The following SBNO2 variants were observed in gnomAD, a reference collection of about 807,000 sequenced individuals.
The protein encoded by SBNO2 is protein strawberry notch homolog 2.
A neutral mutation model predicts 146.3 loss-of-function variants in SBNO2; 89 were observed. The ratio of observed to expected loss-of-function variants is 0.61; its 90% CI spans 0.51 to 0.73. The LOEUF (loss-of-function observed/expected upper bound fraction) is 0.73, where lower values mean the gene tolerates loss of function less well. Ranked by LOEUF, SBNO2 falls within the 30% of genes least tolerant of loss-of-function variation. The probability of loss-of-function intolerance (pLI) is 0.00; values close to 1 mark genes in which losing one functional copy is unlikely to be tolerated. For synonymous variants in SBNO2, 1,147 were observed against 892.6 expected (o/e 1.29, Z -5.08); for missense variants, 2,092 against 2,003.7 (o/e 1.04, Z -0.84).
chr19:1,128,643 T>C (rs1157007844), intron 4 of SBNO2, among the ~76,000 whole-genome samples: 1 of 150,868 alleles, frequency 6.6e-6, no homozygotes, highest in Non-Finnish European at 1.5e-5. Context: ...TCCATCCACC[T>C]TGGCCTCCCA....
intron 3 of SBNO2, 147 bp downstream of exon 3, chr19:1,149,222 G>C (rs2080220316): frequency 2.9e-6 from 2 of 685,370 alleles, no homozygotes; most frequent in South Asian, 1.8e-5. Context: ...CCGTGGGGTG[G>C]AGCCTTCCAG....
At chr19:1,154,108 G>A in intron 2 of SBNO2, 76 bp downstream of exon 2, 2 of 698,284 alleles carry the variant, frequency 2.9e-6, no homozygotes, top group Non-Finnish European at 4.0e-6. Context: ...TCCGCACGAC[G>A]TGACCCCGGG....
chr19:1,171,252 AAC>A (rs1188810863), intron 1 of SBNO2, among the ~76,000 whole-genome samples: 1 of 152,174 alleles, frequency 6.6e-6, no homozygotes, highest in East Asian at 1.9e-4. Flanking sequence ...ACATCCGTAC[AAC>A]ACACACACAG....
chr19:1,108,671 A>G lies in SBNO2; in HGVS notation c.3650T>C (p.Val1217Ala). ...ATCCATCAGCCGCAGCTCCTGCAGC[A>G]CCCGGCGCACGCAGCCCTCGGGGAT... ...IKIPEGCVRR[V>A]LQELRLMDAD... The change falls in exon 32 of 32, where the codon GTG (valine) becomes GCG (alanine). Residue 1217 changes from valine (V) to alanine (A), a missense_variant. By Grantham distance (64) the Val-to-Ala change is moderately conservative. Transcript: ENST00000361757. 1 of 1,529,390 alleles carries G rather than the reference A, an allele frequency of 6.5e-7. No homozygotes were observed. Among genetic ancestry groups the G allele is most frequent in the Non-Finnish European group, 8.7e-7 (1 of 1,146,230 alleles). 94.7% of individuals were successfully genotyped at this position (1,529,390 alleles called of 1,614,324 possible). A position where few individuals can be genotyped will look rare whatever the true frequency, so the allele number is the denominator to read the frequency against.
At position 1,119,964 on chromosome 19, in the gene SBNO2, A is replaced by G. The variant is rs2074921; in HGVS notation, c.1209T>C (p.Ala403=). Residue 403 remains alanine (A), a synonymous_variant, in exon 12 of 32, where the codon GCT becomes GCC. Coordinates refer to ENST00000361757, the MANE Select transcript of SBNO2 (RefSeq NM_014963.3). ...GCAGCTTGTTCTGCAGGTCTAGCACAGCCTTGCCCATCTTGGTGGAGCCGG... is the reference window on the plus strand; with the variant it reads ...GCAGCTTGTTCTGCAGGTCTAGCACGGCCTTGCCCATCTTGGTGGAGCCGG... ...KNAGSTKMGK[A]VLDLQNKLPL... is the part of the protein sequence containing the mutation. The G allele has an allele frequency of 0.47, 724,291 of 1,550,366 alleles. 171,662 individuals carry two copies. The highest frequency in any genetic ancestry group is 0.56 in the Admixed American group (28,690 of 51,002).
intron 1 of SBNO2, among the ~76,000 whole-genome samples, chr19:1,165,807 C>T (rs1453489103): frequency 1.4e-5 from 2 of 147,892 alleles, no homozygotes; most frequent in African/African-American, 2.5e-5. Flanking sequence ...CCCCAGATCC[C>T]AGACCCCAGA....
At position 1,127,636 on chromosome 19, in the gene SBNO2, C is replaced by T; in HGVS notation, c.409G>A (p.Asp137Asn). ...TGGGTGGAGGGGGCAGGGTTATCGT[C>T]CCAGATGGTGGACACCTGGTTGAGG... ...DSLNQVSTIW[D>N]DNPAPSTHDK... is the part of the protein sequence containing the mutation. The change falls in exon 5 of 32, where the codon GAC (aspartate) becomes AAC (asparagine). Residue 137 changes from aspartate to asparagine, a missense_variant. Transcript: ENST00000361757. 1 of 1,613,328 alleles carries T rather than the reference C, an allele frequency of 6.2e-7. No individual in the cohort carries two copies.
rs1401044923 is a variant in SBNO2 at position 1,108,261 on chromosome 19, G to C, written c.4060C>G (p.Gln1354Glu). ...GCGCCGGGGAAGGGTGGGCTGAACTGGATCACGCTCTGCCGCTCGGGACCA... is the reference window on the plus strand; with the variant it reads ...GCGCCGGGGAAGGGTGGGCTGAACTCGATCACGCTCTGCCGCTCGGGACCA... ...GGGPERQSVIQFSPPFPGAQA... is the reference protein window; with the variant it reads ...GGGPERQSVIEFSPPFPGAQA... Residue 1354 changes from glutamine to glutamate, a missense_variant, in exon 32 of 32, where the codon CAG (glutamine) becomes GAG (glutamate). Physicochemically the swap from Gln to Glu is conservative, Grantham distance 29 (BLOSUM62 2). Transcript: ENST00000361757. 1.3e-6 allele frequency: 2 copies of C among 1,523,838 alleles called. No individual in the cohort carries two copies. The highest frequency in any genetic ancestry group is 8.8e-7 in the Non-Finnish European group (1 of 1,133,998). 94.4% of individuals were successfully genotyped at this position (1,523,838 alleles called of 1,614,324 possible).
At chr19:1,117,632 G>T in intron 14 of SBNO2, 133 bp from the exon 15 acceptor site, 1 of 912,496 alleles carries the variant, frequency 1.1e-6, no homozygotes, top group Non-Finnish European at 1.6e-6. Flanking sequence ...TGGGGGTGCT[G>T]GGGGTGTGCA....
At chr19:1,165,407 G>A (rs2080403629) in intron 1 of SBNO2, among the ~76,000 whole-genome samples, 1 of 152,282 alleles carries the variant, frequency 6.6e-6, no homozygotes, top group East Asian at 1.9e-4. Flanking sequence ...GCACCCCCAA[G>A]GCAGCACTGC....
chr19:1,140,318 G>C lies in SBNO2; in HGVS notation c.279+6991C>G, dbSNP rs2080123268. On this transcript the variant is annotated intron_variant, in intron 4 of 31. Coordinates refer to ENST00000361757, the MANE Select transcript of SBNO2 (RefSeq NM_014963.3). The surrounding 1 kb of genome is among the most constrained non-coding windows in gnomAD (Gnocchi z 4.4). Reference sequence around the variant, plus strand: ...TCATCTCAAAAAAAAAAAAAAAGCAGCAGCAACACAGAGCCACGTGTCCAC... The same window carrying C: ...TCATCTCAAAAAAAAAAAAAAAGCACCAGCAACACAGAGCCACGTGTCCAC... Among the ~76,000 whole-genome samples the C allele has an allele frequency of 6.6e-6, 1 of 151,302 alleles. No homozygotes were observed. The highest frequency in any genetic ancestry group is 1.5e-5 in the Non-Finnish European group (1 of 67,858).
chr19:1,113,393 C>G (rs1351745386), intron 19 of SBNO2, 142 bp downstream of exon 19: 2 of 759,662 alleles, frequency 2.6e-6, no homozygotes. Context: ...TGCCCCAGGG[C>G]TCCCCAAACG....
intron 23 of SBNO2, 41 bp downstream of exon 23, chr19:1,111,955 T>TG: frequency 1.2e-6 from 1 of 837,036 alleles, no homozygotes; most frequent in Non-Finnish European, 1.8e-6. Flanking sequence ...CCTAGACCCC[T>TG]GCCCCTGCCC....
At position 1,108,310 on chromosome 19, in the gene SBNO2, C is replaced by A. The variant is rs771138025; in HGVS notation, c.4011G>T (p.Ala1337=). 1 of 1,457,862 alleles carries A rather than the reference C, an allele frequency of 6.9e-7. No homozygotes were observed. Among genetic ancestry groups the A allele is most frequent in the Non-Finnish European group, 9.1e-7 (1 of 1,100,996 alleles). The allele number at this position is 1,457,862 out of a possible 1,614,324, so 90.3% of individuals were successfully genotyped here. ...CACCGCCCGCCGCGCCCCCCGCCCCCGCGCCCTCCCCCAGCGCGCCCTCGG... is the reference window on the plus strand; with the variant it reads ...CACCGCCCGCCGCGCCCCCCGCCCCAGCGCCCTCCCCCAGCGCGCCCTCGG... ...PPSEGALGEG[A]GAGGAAGGGP... Residue 1337 remains alanine, a synonymous_variant, in exon 32 of 32, where the codon GCG becomes GCT. Coordinates refer to ENST00000361757, the MANE Select transcript of SBNO2 (RefSeq NM_014963.3).
At position 1,150,276 on chromosome 19, in the gene SBNO2, G is replaced by A. The variant is rs557996860; in HGVS notation, c.94-834C>T. Reference sequence around the variant, plus strand: ...CAAAACCTGAGGATGGGGAGCACACGGGGCAGCAGCGGGCCCAAGGGCGGC... The same window carrying A: ...CAAAACCTGAGGATGGGGAGCACACAGGGCAGCAGCGGGCCCAAGGGCGGC... On this transcript the variant is annotated intron_variant, in intron 2 of 31. Coordinates refer to ENST00000361757, the MANE Select transcript of SBNO2 (RefSeq NM_014963.3). The surrounding 1 kb of genome is among the most constrained non-coding windows in gnomAD (Gnocchi z 6.2). 2.0e-5 allele frequency among the ~76,000 whole-genome samples: 3 copies of A among 152,130 alleles called. No homozygotes were observed. Among genetic ancestry groups the A allele is most frequent in the Non-Finnish European group, 2.9e-5 (2 of 68,004 alleles).
intron 19 of SBNO2, 85 bp from the exon 20 acceptor site, chr19:1,113,034 C>T: frequency 6.9e-7 from 1 of 1,454,906 alleles, no homozygotes; most frequent in Non-Finnish European, 9.2e-7. Flanking sequence ...TTCCCTATGT[C>T]CTACAGTGGT....
rs2079693018 is a variant in SBNO2 at position 1,108,051 on chromosome 19, C to A, written c.*169G>T. On this transcript the variant is annotated 3_prime_UTR_variant, in exon 32 of 32. Coordinates refer to ENST00000361757, the MANE Select transcript of SBNO2 (RefSeq NM_014963.3). ...CGGCCCCCAGCTGTCCTGAGTGGGC[C>A]CCGCCAGGGCTGACCAGGTGGGGGC... 1.5e-6 allele frequency: 1 copy of A among 654,270 alleles called. No individual in the cohort carries two copies. Among genetic ancestry groups the A allele is most frequent in the African/African-American group, 2.0e-5 (1 of 49,994 alleles). The allele number at this position is 654,270 out of a possible 1,614,324, so 40.5% of individuals were successfully genotyped here.
At position 1,132,174 on chromosome 19, in the gene SBNO2, G is replaced by A. The variant is rs371013507; in HGVS notation, c.280-4409C>T. The A allele has an allele frequency of 1.7e-5, 25 of 1,433,922 alleles. No individual in the cohort carries two copies. The African/African-American group carries it at 2.6e-4, about 15-fold the overall frequency. 88.8% of individuals were successfully genotyped at this position (1,433,922 alleles called of 1,614,324 possible). A position where few individuals can be genotyped will look rare whatever the true frequency, so the allele number is the denominator to read the frequency against. On this transcript the variant is annotated intron_variant, in intron 4 of 31. Transcript: ENST00000361757. ...GGGGGCCAGGGGTCCCCCAGGAAGC[G>A]CTGCCCGGGAGCGGCTCCCTCATGA...
chr19:1,133,046 G>T (rs2080049079), intron 4 of SBNO2, among the ~76,000 whole-genome samples: 1 of 152,186 alleles, frequency 6.6e-6, no homozygotes, highest in Non-Finnish European at 1.5e-5. Flanking sequence ...TAGACACCGC[G>T]GGGCAGACAC....
Sources: gnomAD v4.1 joint callset for allele counts (sites outside exome capture counted in the v4.1 genomes callset) on GRCh38, gnomAD v4.1.1 for gene constraint, Gnocchi (gnomAD v3.1) non-coding constraint, MANE v1.5 for transcripts, NCBI Gene and HGNC (gene_info 2026-07-23, HGNC 2026-07-21) for gene names.